NID2: variants seen among roughly 807,000 people sequenced by gnomAD.
The protein encoded by NID2 is nidogen 2, also known as nidogen-2.
In NID2, 83 loss-of-function variants were observed where a neutral mutation model predicts 145.4. The ratio of observed to expected loss-of-function variants is 0.57; its 90% confidence interval spans 0.48 to 0.69. NID2 has a LOEUF of 0.69. Ranked by LOEUF, NID2 falls within the 30% of genes least tolerant of loss-of-function variation. The probability of loss-of-function intolerance (pLI) is 0.00; values close to 1 mark genes in which losing one functional copy is unlikely to be tolerated. For missense variants in NID2, 1,807 were observed against 1,765.7 expected, an observed-to-expected ratio of 1.02 and a Z score of -0.42; for synonymous variants, 739 against 701.3, an observed-to-expected ratio of 1.05 and a Z score of -0.85.
At chr14:52,007,419 C>T in intron 19 of NID2, 1 of 203,660 alleles carries the variant, frequency 4.9e-6, no homozygotes, top group Non-Finnish European at 9.8e-6. Flanking sequence ...AGGAAGCTAC[C>T]CTGCTACAAT....
At chr14:52,020,229 T>G (rs773331159) in intron 12 of NID2, 51 bp from the exon 13 acceptor site, 1 of 1,607,840 alleles carries the variant, frequency 6.2e-7, no homozygotes, top group Non-Finnish European at 8.5e-7. Flanking sequence ...ATGACTTCAC[T>G]CACACAATCT....
intron 16 of NID2, 151 bp from the exon 17 acceptor site, chr14:52,011,834 C>G: frequency 1.1e-6 from 1 of 879,382 alleles, no homozygotes; most frequent in South Asian, 1.7e-5. Context: ...TGTGGGCACT[C>G]GGGTGAAATC....
intron 1 of NID2, 98 bp downstream of exon 1, chr14:52,068,669 A>C (rs984051): frequency 0.98 from 1,057,119 of 1,073,656 alleles, 521,420 homozygotes; most frequent in East Asian, 1. Context: ...GGGCTCCAGG[A>C]GTGGGGTCTG....
At chr14:52,050,509 A>G (rs1469734973) in intron 5 of NID2, among the ~76,000 whole-genome samples, 1 of 152,148 alleles carries the variant, frequency 6.6e-6, no homozygotes, top group Non-Finnish European at 1.5e-5. Context: ...TAATTTCTTC[A>G]TGACTTTGTT....
Position 52,068,889 on chromosome 14 carries a change from G to A in NID2, c.106C>T (p.Leu36Phe). 1 of 1,614,060 alleles carries A rather than the reference G, an allele frequency of 6.2e-7. No homozygotes were observed. Among genetic ancestry groups the A allele is most frequent in the Non-Finnish European group, 8.5e-7 (1 of 1,180,040 alleles). The change falls in exon 1 of 22, where the codon CTC becomes TTC. Residue 36 changes from leucine to phenylalanine, a missense_variant. Physicochemically the swap from Leu to Phe is conservative, Grantham distance 22 (BLOSUM62 0). Transcript: ENST00000216286. ...CCCCACGACTCCCCGTGTGGGAAGAGCTCGTCTGGGTGCAGCGCCGCGGCC... is the reference window on the plus strand; with the variant it reads ...CCCCACGACTCCCCGTGTGGGAAGAACTCGTCTGGGTGCAGCGCCGCGGCC... ...LRAAALHPDE[L>F]FPHGESWGDQ...
At position 52,068,148 on chromosome 14, in the gene NID2, T is replaced by G; in HGVS notation, c.244A>C (p.Ile82Leu). The G allele has an allele frequency of 6.2e-7, 1 of 1,613,086 alleles. No individual in the cohort carries two copies. Among genetic ancestry groups the G allele is most frequent in the Non-Finnish European group, 8.5e-7 (1 of 1,179,838 alleles). ...CTGGGGAAGTCCTGAGTGGAGATGA[T>G]GCCGTTGGTGCCCACCTGGGAGAGG... ...FSNLYVGTNG[I>L]ISTQDFPRET... The change falls in exon 2 of 22, where the codon ATC becomes CTC. Residue 82 changes from isoleucine (I) to leucine (L), a missense_variant. Physicochemically the swap from Ile to Leu is conservative, Grantham distance 5. Coordinates refer to ENST00000216286, the MANE Select transcript of NID2 (RefSeq NM_007361.4).
At chr14:52,053,398 G>A (rs190816097) in intron 5 of NID2, among the ~76,000 whole-genome samples, 181 bp downstream of exon 5, 1 of 152,324 alleles carries the variant, frequency 6.6e-6, no homozygotes, top group Admixed American at 6.5e-5. Flanking sequence ...GAATCTGCCT[G>A]CCAAGATTTA....
chr14:52,030,607 A>G (rs1410780773), intron 9 of NID2, among the ~76,000 whole-genome samples: 3 of 122,616 alleles, frequency 2.4e-5, no homozygotes, highest in Admixed American at 9.3e-5. Flanking sequence ...AGAAAGAAAG[A>G]GAAAGAAAAA....
At chr14:52,051,389 G>A (rs1180519698) in intron 5 of NID2, among the ~76,000 whole-genome samples, 1 of 152,148 alleles carries the variant, frequency 6.6e-6, no homozygotes, top group African/African-American at 2.4e-5. Flanking sequence ...GAGAGCCAAG[G>A]GTCAAACAGA....
intron 12 of NID2, 29 bp from the exon 13 acceptor site, chr14:52,020,207 G>A (rs1267497170): frequency 6.2e-7 from 1 of 1,611,788 alleles, no homozygotes; most frequent in African/African-American, 1.3e-5. Context: ...GAAGAAAGAA[G>A]CAAAGAACAC....
intron 14 of NID2, among the ~76,000 whole-genome samples, chr14:52,018,549 G>T (rs1424218507): frequency 2.0e-5 from 3 of 152,276 alleles, no homozygotes; most frequent in African/African-American, 7.2e-5. Flanking sequence ...CAGAGGGCTG[G>T]GATTGTCAGT....
In NID2 at chr14:52,069,049, G is replaced by A; in HGVS notation, c.-55C>T. ...ACAACGCGTCCCGCCCCGGCCTCCA[G>A]CCCACTCTCCGCGCCGCGCCAGCCT... On this transcript the variant is annotated 5_prime_UTR_variant, in exon 1 of 22. Coordinates refer to ENST00000216286, the MANE Select transcript of NID2 (RefSeq NM_007361.4). The A allele has an allele frequency of 7.0e-7, 1 of 1,420,396 alleles. No homozygotes were observed. The highest frequency in any genetic ancestry group is 2.4e-5 in the East Asian group (1 of 41,258). The allele number at this position is 1,420,396 out of a possible 1,614,324, so 88.0% of individuals were successfully genotyped here.
intron 2 of NID2, 105 bp downstream of exon 2, chr14:52,067,752 CA>C: frequency 7.5e-7 from 1 of 1,339,538 alleles, no homozygotes; most frequent in South Asian, 1.2e-5. Context: ...AGGTTCAGCG[CA>C]AGAGTAGGCT....
intron 12 of NID2, 96 bp downstream of exon 12, chr14:52,027,101 CAAAG>C: frequency 8.0e-7 from 1 of 1,249,826 alleles, no homozygotes; most frequent in Non-Finnish European, 1.1e-6. Context: ...CTGTTAGAGT[CAAAG>C]GAAGTCCTTT....
At chr14:52,052,788 C>A (rs984672179) in intron 5 of NID2, among the ~76,000 whole-genome samples, 1 of 152,174 alleles carries the variant, frequency 6.6e-6, no homozygotes, top group Non-Finnish European at 1.5e-5. Flanking sequence ...GATGAGCAGT[C>A]CCTGGAACAA....
At chr14:52,030,524 GAAAGAAAGAAAGAA>G in intron 9 of NID2, among the ~76,000 whole-genome samples, 1 of 40,032 alleles carries the variant, frequency 2.5e-5, no homozygotes, top group African/African-American at 8.6e-5. Context: ...AGAAAAGAAA[GAAAGAAAGAAAGAA>G]AGAAAGAAAG....
Position 52,068,917 on chromosome 14 carries a change from C to A in NID2, c.78G>T (p.Leu26Phe). 1 of 1,614,032 alleles carries A rather than the reference C, an allele frequency of 6.2e-7. No homozygotes were observed. The highest frequency in any genetic ancestry group is 8.5e-7 in the Non-Finnish European group (1 of 1,180,010). The change falls in exon 1 of 22, where the codon TTG becomes TTT. Residue 26 changes from leucine to phenylalanine, a missense_variant. Physicochemically the swap from Leu to Phe is conservative, Grantham distance 22. Coordinates refer to ENST00000216286, the MANE Select transcript of NID2 (RefSeq NM_007361.4). ...PVLLLLPLLMLRAAALHPDEL... is the reference protein window; with the variant it reads ...PVLLLLPLLMFRAAALHPDEL... Reference sequence around the variant, plus strand: ...CGTCTGGGTGCAGCGCCGCGGCCCGCAACATTAGCAACGGCAGCAGCAGTA... The same window carrying A: ...CGTCTGGGTGCAGCGCCGCGGCCCGAAACATTAGCAACGGCAGCAGCAGTA...
chr14:52,041,957 C>G (rs1000613677), intron 7 of NID2, 148 bp downstream of exon 7: 28 of 966,126 alleles, frequency 2.9e-5, no homozygotes, highest in Non-Finnish European at 4.1e-5. Flanking sequence ...TTCCCAACAA[C>G]CTGTGGCCAG....
chr14:52,033,941 A>G (rs1030265273), intron 9 of NID2, among the ~76,000 whole-genome samples: 6 of 152,164 alleles, frequency 3.9e-5, no homozygotes, highest in African/African-American at 1.2e-4. Flanking sequence ...CAGGTCACTT[A>G]CTATGACCAG....
Sources: allele counts gnomAD v4.1 joint callset (sites outside exome capture counted in the v4.1 genomes callset), GRCh38; gene constraint gnomAD v4.1.1; transcripts MANE v1.5; gene names NCBI Gene and HGNC (gene_info 2026-07-23, HGNC 2026-07-21).